RPS17: variants seen among roughly 807,000 people sequenced by gnomAD.
RPS17 encodes the protein small ribosomal subunit protein eS17.
For missense variants in RPS17, 68 were observed against 182.3 expected, an observed-to-expected ratio of 0.37 and a Z score of 3.61; for synonymous variants, 75 against 65.6, an observed-to-expected ratio of 1.14 and a Z score of -0.70.
rs1047415278 is a variant in RPS17 at position 82,540,412 on chromosome 15, G to T, written c.3+14C>A. On this transcript the variant is annotated intron_variant, in intron 1 of 4. Coordinates refer to ENST00000647841, the MANE Select transcript of RPS17 (RefSeq NM_001021.6). ...CGATTGTGGAGGATGGCGGCCTCGA[G>T]CCAAAACACCTACCATGTTGGCGGG... The T allele has an allele frequency of 6.3e-7, 1 of 1,595,558 alleles. No homozygotes were observed. Among genetic ancestry groups the T allele is most frequent in the Non-Finnish European group, 8.5e-7 (1 of 1,172,318 alleles).
intron 4 of RPS17, 43 bp from the exon 5 acceptor site, chr15:82,536,924 T>C: frequency 9.3e-6 from 15 of 1,610,376 alleles, no homozygotes; most frequent in Non-Finnish European, 1.3e-5. Context: ...ACTGGTGAGA[T>C]CTGTGAGTGG....
intron 3 of RPS17, 104 bp from the exon 4 acceptor site, chr15:82,538,475 C>G: frequency 1.6e-6 from 2 of 1,262,414 alleles, no homozygotes; most frequent in Non-Finnish European, 2.3e-6. Context: ...AGGAGCTGCA[C>G]AAGGATAGCA....
chr15:82,540,298 C>T, intron 1 of RPS17, 128 bp downstream of exon 1: 2 of 1,585,784 alleles, frequency 1.3e-6, no homozygotes. Context: ...GCCGCCGGCC[C>T]GTTGCGCTCC....
In RPS17 at chr15:82,538,939, C is replaced by G; in HGVS notation, c.202G>C (p.Gly68Arg). Residue 68 changes from glycine (G) to arginine (R), a missense_variant, in exon 3 of 5, where the codon GGT becomes CGT. Coordinates refer to ENST00000647841, the MANE Select transcript of RPS17 (RefSeq NM_001021.6). ...MKRIQRGPVR[G>R]ISIKLQEEER... is the part of the protein sequence containing the mutation. ...TCCTCCTGCAGCTTGATGGAGATAC[C>G]TCTTACTGGGCCTCTCTGAATTCGC... The G allele has an allele frequency of 6.2e-7, 1 of 1,613,964 alleles. No individual in the cohort carries two copies. The highest frequency in any genetic ancestry group is 8.5e-7 in the Non-Finnish European group (1 of 1,179,874).
chr15:82,539,450 G>T, intron 2 of RPS17: 1 of 459,226 alleles, frequency 2.2e-6, no homozygotes, highest in Admixed American at 2.3e-5. Context: ...CAATTTGGGA[G>T]GCCGAGGCGG....
At chr15:82,538,095 A>G in intron 4 of RPS17, 2 of 626,132 alleles carry the variant, frequency 3.2e-6, no homozygotes, top group Non-Finnish European at 6.1e-6. Flanking sequence ...CCTGGAAGCC[A>G]CTAGATTTGG....
intron 1 of RPS17, 25 bp from the exon 2 acceptor site, chr15:82,540,157 C>A: frequency 6.2e-7 from 1 of 1,613,714 alleles, no homozygotes; most frequent in South Asian, 1.1e-5. Flanking sequence ...GACAGGATCA[C>A]TCACGAGCCA....
Sources: allele counts gnomAD v4.1 joint callset, GRCh38; gene constraint gnomAD v4.1.1; transcripts MANE v1.5; gene names NCBI Gene and HGNC (gene_info 2026-07-23, HGNC 2026-07-21).